ATRNL1: variants seen among roughly 807,000 people sequenced by gnomAD.
ATRNL1 encodes the protein attractin-like protein 1.
A neutral mutation model predicts 182.7 loss-of-function variants in ATRNL1; 95 were observed. The observed-to-expected ratio is 0.52, with a 90% CI of 0.44 to 0.62. The LOEUF (loss-of-function observed/expected upper bound fraction) is 0.62. ATRNL1 is among the 20% of genes least tolerant of loss of function. ATRNL1 has a pLI of 0.00. For synonymous variants in ATRNL1, 576 were observed against 568.3 expected, an observed-to-expected ratio of 1.01 and a Z score of -0.19; for missense variants, 1,471 against 1,679.5, an observed-to-expected ratio of 0.88 and a Z score of 2.17.
At chr10:115,508,323 C>T (rs1850216739) in intron 24 of ATRNL1, among the ~76,000 whole-genome samples, 1 of 151,946 alleles carries the variant, frequency 6.6e-6, no homozygotes, top group Non-Finnish European at 1.5e-5. Flanking sequence ...TGAGACACAG[C>T]AATATTGAAA....
intron 24 of ATRNL1, among the ~76,000 whole-genome samples, chr10:115,516,528 A>G (rs540381082): frequency 6.6e-6 from 1 of 151,906 alleles, no homozygotes; most frequent in African/African-American, 2.4e-5. Context: ...CAACAGCCAG[A>G]ATGATATTTT....
chr10:115,218,772 C>G (rs1295952539), intron 9 of ATRNL1, among the ~76,000 whole-genome samples: 3 of 152,186 alleles, frequency 2.0e-5, no homozygotes, highest in Non-Finnish European at 4.4e-5. Context: ...GTTTCTTGAG[C>G]AGGTTGAATA....
chr10:115,249,358 T>C (rs1302478418), intron 10 of ATRNL1, among the ~76,000 whole-genome samples: 1 of 152,146 alleles, frequency 6.6e-6, no homozygotes, highest in Non-Finnish European at 1.5e-5. Context: ...CACACGTTTA[T>C]ATATATGTAT....
At chr10:115,597,739 G>T in intron 26 of ATRNL1, 1 of 440,632 alleles carries the variant, frequency 2.3e-6, no homozygotes, top group South Asian at 1.6e-5. Context: ...GTAGAGATGG[G>T]GTTTCACCAT....
chr10:115,541,625 A>T (rs1477936659), intron 25 of ATRNL1, among the ~76,000 whole-genome samples: 1 of 152,196 alleles, frequency 6.6e-6, no homozygotes, highest in Non-Finnish European at 1.5e-5. Context: ...AAAATAATAG[A>T]ATGGAAAAAT....
chr10:115,120,178 C>T lies in ATRNL1; in HGVS notation c.294-7C>T, dbSNP rs372047861. On this transcript the variant is annotated splice_region_variant and splice_polypyrimidine_tract_variant and intron_variant, in intron 1 of 28. Coordinates refer to ENST00000355044, the MANE Select transcript of ATRNL1 (RefSeq NM_207303.4). ...AATTATTTTCATTATTTTATTTTCT[C>T]TTCCAGGTTAACAGAACCTTCTGGA... The T allele has an allele frequency of 6.2e-6, 9 of 1,452,146 alleles. No individual in the cohort carries two copies. Among genetic ancestry groups the T allele is most frequent in the African/African-American group, 1.4e-5 (1 of 70,834 alleles). The allele number at this position is 1,452,146 out of a possible 1,614,324, so 90.0% of individuals were successfully genotyped here. A position where few individuals can be genotyped will look rare whatever the true frequency, so the allele number is the denominator to read the frequency against.
chr10:115,102,245 A>G (rs968979242), intron 1 of ATRNL1, among the ~76,000 whole-genome samples: 5 of 152,164 alleles, frequency 3.3e-5, no homozygotes, highest in South Asian at 2.1e-4. Context: ...TCGTTATCCA[A>G]TGACCATTTG....
intron 8 of ATRNL1, among the ~76,000 whole-genome samples, chr10:115,184,590 G>T (rs531913290): frequency 6.6e-6 from 1 of 151,668 alleles, no homozygotes; most frequent in African/African-American, 2.4e-5. Flanking sequence ...TTTACAAGGG[G>T]TGGTAGAGAA....
chr10:115,618,537 T>C (rs1592956056), intron 26 of ATRNL1, among the ~76,000 whole-genome samples: 1 of 152,162 alleles, frequency 6.6e-6, no homozygotes, highest in East Asian at 1.9e-4. Context: ...TTCCTTTTTC[T>C]TTTTTCAGAC....
intron 26 of ATRNL1, among the ~76,000 whole-genome samples, chr10:115,565,596 G>C (rs1284981297): frequency 1.3e-5 from 2 of 151,978 alleles, no homozygotes; most frequent in Admixed American, 6.6e-5. Context: ...GGTCCTAATG[G>C]CTTGCTTTGG....
intron 21 of ATRNL1, among the ~76,000 whole-genome samples, chr10:115,453,834 T>C (rs1847393791): frequency 6.6e-6 from 1 of 150,820 alleles, no homozygotes; most frequent in South Asian, 2.1e-4. Context: ...CATTAGGAGA[T>C]ATACCTAATG....
At chr10:115,333,765 G>A (rs1216632402) in intron 18 of ATRNL1, among the ~76,000 whole-genome samples, 11 of 152,144 alleles carry the variant, frequency 7.2e-5, no homozygotes, top group African/African-American at 2.7e-4. Flanking sequence ...GGGATTACAG[G>A]TGTGAGCCAC....
chr10:115,911,541 A>G (rs1188615122), intron 28 of ATRNL1, among the ~76,000 whole-genome samples: 1 of 151,994 alleles, frequency 6.6e-6, no homozygotes, highest in East Asian at 1.9e-4. Context: ...CTGGTCCCGA[A>G]CTCCTCAGGT....
At chr10:115,530,036 G>A (rs74898530) in intron 25 of ATRNL1, among the ~76,000 whole-genome samples, 3,025 of 152,160 alleles carry the variant, frequency 0.02, 68 homozygotes, top group East Asian at 0.12. Flanking sequence ...TTTCTTATCC[G>A]TAACGTAGTA....
rs71010046 is a variant in ATRNL1, at chr10:115,738,154, T to TTTTTTTTTTTTTTTTTTTTTC, written c.3903+10801_3903+10802insTTTTTTTTTTTTTTTTTTCTT. Among the ~76,000 whole-genome samples, 394 of 63,904 alleles carry TTTTTTTTTTTTTTTTTTTTTC rather than the reference T, an allele frequency of 6.2e-3. 113 individuals are homozygous for TTTTTTTTTTTTTTTTTTTTTC. Among genetic ancestry groups the TTTTTTTTTTTTTTTTTTTTTC allele is most frequent in the East Asian group, 0.012 (16 of 1,312 alleles). The allele number at this position is 63,904 out of a possible 152,430, so 41.9% of individuals were successfully genotyped here. A position where few individuals can be genotyped will look rare whatever the true frequency, so the allele number is the denominator to read the frequency against. On this transcript the variant is annotated intron_variant, in intron 27 of 28. Coordinates refer to ENST00000355044, the MANE Select transcript of ATRNL1 (RefSeq NM_207303.4). Reference sequence around the variant, plus strand: ...TTTTTTTTTTTTTTTTTTTTTTTTTTTTGAGATGGAGTCCTGCTCTGTCGC... The same window carrying TTTTTTTTTTTTTTTTTTTTTC: ...TTTTTTTTTTTTTTTTTTTTTTTTTTTTTTTTTTTTTTTTTTTTTTCTTGAGATGGAGTCCTGCTCTGTCGC...
Position 115,528,889 on chromosome 10 carries a change from G to A in ATRNL1, c.3716+9565G>A, listed in dbSNP as rs372925520. On this transcript the variant is annotated intron_variant, in intron 25 of 28. Transcript: ENST00000355044. Reference sequence around the variant, plus strand: ...TTTGTCTTTCAACCATTGATCAAATGTGTGTTGGTAATTTCCACATACTTT... The same window carrying A: ...TTTGTCTTTCAACCATTGATCAAATATGTGTTGGTAATTTCCACATACTTT... 2.6e-4 allele frequency among the ~76,000 whole-genome samples: 40 copies of A among 152,174 alleles called. 1 individual carries two copies. The South Asian group carries it at 8.1e-3, about 31-fold the overall frequency.
At chr10:115,373,755 T>A (rs1857515247) in intron 19 of ATRNL1, among the ~76,000 whole-genome samples, 1 of 151,942 alleles carries the variant, frequency 6.6e-6, no homozygotes. Flanking sequence ...ATTATTGAAA[T>A]GATTGAGTTT....
At chr10:115,190,902 TCATTCCA>T (rs1192148114) in intron 8 of ATRNL1, among the ~76,000 whole-genome samples, 1 of 152,120 alleles carries the variant, frequency 6.6e-6, no homozygotes, top group African/African-American at 2.4e-5. Context: ...CTAGCAACTA[TCATTCCA>T]CTCTTTATAG....
intron 26 of ATRNL1, among the ~76,000 whole-genome samples, chr10:115,556,088 G>T (rs1554996953): frequency 1.3e-5 from 2 of 151,840 alleles, no homozygotes; most frequent in Non-Finnish European, 2.9e-5. Flanking sequence ...GTTTCATAAT[G>T]GACCACTTAT....
Sources: gnomAD v4.1 joint callset for allele counts (sites outside exome capture counted in the v4.1 genomes callset) on GRCh38, gnomAD v4.1.1 for gene constraint, MANE v1.5 for transcripts, NCBI Gene and HGNC (gene_info 2026-07-23, HGNC 2026-07-21) for gene names.